Variants in RPS6KC1 observed in about 807,000 individuals in gnomAD.
RPS6KC1 encodes ribosomal protein S6 kinase C1.
Under a neutral mutation model 103.8 loss-of-function variants are expected in RPS6KC1, and 54 were observed. That is an observed-to-expected ratio of 0.52 (90% CI 0.42 to 0.65). The LOEUF (loss-of-function observed/expected upper bound fraction) is 0.65. Among genes scored for constraint, RPS6KC1 ranks in the 30% least tolerant of loss-of-function variants. The probability of loss-of-function intolerance (pLI) is 0.00; values close to 1 mark genes in which losing one functional copy is unlikely to be tolerated. For missense variants in RPS6KC1, 1,151 were observed against 1,253.8 expected (o/e 0.92, Z 1.24); for synonymous variants, 439 against 438.7 (o/e 1.00, Z -0.01).
the RPS6KC1 span, among the ~76,000 whole-genome samples, chr1:213,701,500 C>A: frequency 2.6e-5 from 4 of 151,652 alleles, no homozygotes; most frequent in Non-Finnish European, 4.4e-5. Context: ...AGTATTAGTT[C>A]TTTAAATGTT....
chr1:213,390,495 A>C, the RPS6KC1 span, among the ~76,000 whole-genome samples: 1 of 152,368 alleles, frequency 6.6e-6, no homozygotes, highest in East Asian at 1.9e-4. Context: ...GCTTTTGGAC[A>C]GAAAATATGG....
At chr1:213,479,224 G>A in the RPS6KC1 span, among the ~76,000 whole-genome samples, 59 of 152,002 alleles carry the variant, frequency 3.9e-4, 1 homozygote, top group East Asian at 9.3e-3. Flanking sequence ...TGTATGAGAG[G>A]GATTCTGTAG....
At chr1:213,186,782 ATC>A (rs2092550049) in intron 8 of RPS6KC1, among the ~76,000 whole-genome samples, 1 of 151,736 alleles carries the variant, frequency 6.6e-6, no homozygotes, top group South Asian at 2.1e-4. Flanking sequence ...TTCTCTTCTG[ATC>A]ATGTATTTTC....
At chr1:213,376,084 C>CTGTGTGTGTGTGTGTGTGTG in the RPS6KC1 span, among the ~76,000 whole-genome samples, 4 of 140,266 alleles carry the variant, frequency 2.9e-5, no homozygotes, top group Non-Finnish European at 6.2e-5. Flanking sequence ...CTCGTGACAA[C>CTGTGTGTGTGTGTGTGTGTG]TGTGTGTGTG....
chr1:213,635,005 T>A, the RPS6KC1 span, among the ~76,000 whole-genome samples: 1 of 152,012 alleles, frequency 6.6e-6, no homozygotes, highest in Non-Finnish European at 1.5e-5. Flanking sequence ...TCTATGCAAA[T>A]AAACTAGAAA....
chr1:213,398,861 T>C, the RPS6KC1 span, among the ~76,000 whole-genome samples: 1 of 152,156 alleles, frequency 6.6e-6, no homozygotes, highest in African/African-American at 2.4e-5. Flanking sequence ...ATAAAAGTCA[T>C]CCCCATAATA....
chr1:213,805,106 A>T, the RPS6KC1 span, among the ~76,000 whole-genome samples: 1 of 152,232 alleles, frequency 6.6e-6, no homozygotes, highest in East Asian at 1.9e-4. Flanking sequence ...ACTGCTAATG[A>T]TCCTCTGAGC....
chr1:213,688,382 C>T, the RPS6KC1 span, among the ~76,000 whole-genome samples: 1 of 152,188 alleles, frequency 6.6e-6, no homozygotes, highest in African/African-American at 2.4e-5. Context: ...ACTTCTTCCT[C>T]AGTCTCCACC....
the RPS6KC1 span, among the ~76,000 whole-genome samples, chr1:213,741,099 CAT>C: frequency 0.019 from 2,749 of 148,316 alleles, 43 homozygotes; most frequent in Middle Eastern, 0.061. Flanking sequence ...TAGAGAGAAA[CAT>C]AGGGGCATTA....
chr1:213,666,671 A>G, the RPS6KC1 span, among the ~76,000 whole-genome samples: 1 of 152,216 alleles, frequency 6.6e-6, no homozygotes, highest in Non-Finnish European at 1.5e-5. Context: ...TCCAATTTCC[A>G]TGATCACCAA....
the RPS6KC1 span, among the ~76,000 whole-genome samples, chr1:213,635,626 A>G: frequency 0.13 from 19,626 of 152,214 alleles, 1,873 homozygotes; most frequent in African/African-American, 0.27. Flanking sequence ...TCTCAAAATA[A>G]TAAGAGCTCT....
the RPS6KC1 span, among the ~76,000 whole-genome samples, chr1:213,382,737 G>A: frequency 6.6e-6 from 1 of 152,266 alleles, no homozygotes; most frequent in East Asian, 1.9e-4. Context: ...GCCATCAAAG[G>A]GTGCCAAAGG....
At chr1:213,106,973 C>T in intron 4 of RPS6KC1, among the ~76,000 whole-genome samples, 1 of 151,890 alleles carries the variant, frequency 6.6e-6, no homozygotes, top group South Asian at 2.1e-4. Flanking sequence ...CAGAATCTCA[C>T]TCTGTTGCCC....
At chr1:213,406,219 C>T in the RPS6KC1 span, among the ~76,000 whole-genome samples, 2 of 152,158 alleles carry the variant, frequency 1.3e-5, no homozygotes, top group African/African-American at 2.4e-5. Flanking sequence ...GTCTGGTGAG[C>T]AGGCTGCAGG....
At chr1:213,528,792 T>C in the RPS6KC1 span, among the ~76,000 whole-genome samples, 2,656 of 152,294 alleles carry the variant, frequency 0.017, 76 homozygotes, top group African/African-American at 0.056. Flanking sequence ...AGCAGCCTCA[T>C]GATTGAGAAG....
the RPS6KC1 span, among the ~76,000 whole-genome samples, chr1:213,712,096 T>C: frequency 6.6e-6 from 1 of 152,252 alleles, no homozygotes; most frequent in East Asian, 1.9e-4. Flanking sequence ...CGTTTACGTG[T>C]ACTGAAACTG....
the RPS6KC1 span, among the ~76,000 whole-genome samples, chr1:213,627,909 C>T: frequency 2.6e-5 from 4 of 152,092 alleles, no homozygotes; most frequent in Non-Finnish European, 5.9e-5. Flanking sequence ...CTCTGCCAGG[C>T]TTTGTTATCA....
chr1:213,176,377 T>A, intron 7 of RPS6KC1, 23 bp from the exon 8 acceptor site: 1 of 1,540,296 alleles, frequency 6.5e-7, no homozygotes, highest in Non-Finnish European at 8.9e-7. Context: ...GATTGATGTA[T>A]AATCTTTGAT....
chr1:213,861,163 A>G, the RPS6KC1 span, among the ~76,000 whole-genome samples: 2 of 152,188 alleles, frequency 1.3e-5, no homozygotes, highest in South Asian at 4.1e-4. Flanking sequence ...GTTTCAAAGC[A>G]AGAAGCTGAC....
Sources: allele counts gnomAD v4.1 joint callset (sites outside exome capture counted in the v4.1 genomes callset), GRCh38; gene constraint gnomAD v4.1.1; transcripts MANE v1.5; gene names NCBI Gene and HGNC (gene_info 2026-07-23, HGNC 2026-07-21).